ANXA8: variants seen among roughly 807,000 people sequenced by gnomAD.
The protein encoded by ANXA8 is VAC-beta.
In ANXA8, 9 loss-of-function variants were observed where a neutral mutation model predicts 26.8. The ratio of observed to expected loss-of-function variants is 0.34; its 90% CI spans 0.20 to 0.59. The LOEUF is 0.59. Among genes scored for constraint, ANXA8 ranks in the 20% least tolerant of loss-of-function variants. The probability of loss-of-function intolerance (pLI) is 0.84; values close to 1 mark genes in which losing one functional copy is unlikely to be tolerated. For synonymous variants in ANXA8, 39 were observed against 94.8 expected, an observed-to-expected ratio of 0.41 and a Z score of 3.42; for missense variants, 83 against 238.5, an observed-to-expected ratio of 0.35 and a Z score of 4.29.
At chr10:47,639,525 C>A in the ANXA8 span, among the ~76,000 whole-genome samples, 1 of 152,230 alleles carries the variant, frequency 6.6e-6, no homozygotes, top group Admixed American at 6.5e-5. Context: ...ACCGTGTTCG[C>A]CAGGATGGTC....
At chr10:47,567,565 C>T in the ANXA8 span, among the ~76,000 whole-genome samples, 3 of 151,784 alleles carry the variant, frequency 2.0e-5, 1 homozygote, top group African/African-American at 7.3e-5. Flanking sequence ...TCACCCACAG[C>T]CCTGTGTTCC....
At chr10:47,714,360 A>T in the ANXA8 span, among the ~76,000 whole-genome samples, 1 of 147,898 alleles carries the variant, frequency 6.8e-6, no homozygotes, top group Non-Finnish European at 1.5e-5. Flanking sequence ...CTTTAGTGAA[A>T]GAAACTAAGG....
At chr10:47,748,069 G>T in the ANXA8 span, among the ~76,000 whole-genome samples, 2 of 152,150 alleles carry the variant, frequency 1.3e-5, no homozygotes. Context: ...TATGTAACTG[G>T]AGTCTTAGAA....
the ANXA8 span, among the ~76,000 whole-genome samples, chr10:47,937,081 G>A: frequency 4.0e-5 from 6 of 149,768 alleles, 1 homozygote; most frequent in Non-Finnish European, 6.0e-5. Context: ...TGTTTGCTGT[G>A]CCTACCACCT....
At chr10:47,989,370 A>G in the ANXA8 span, among the ~76,000 whole-genome samples, 13,125 of 105,178 alleles carry the variant, frequency 0.12, 466 homozygotes, top group Middle Eastern at 0.17. Flanking sequence ...CAGGCTGTGT[A>G]ACCGCATCCC....
chr10:47,561,021 AT>A, the ANXA8 span, among the ~76,000 whole-genome samples: 4 of 149,464 alleles, frequency 2.7e-5, no homozygotes, highest in Admixed American at 6.7e-5. Context: ...ATTATTTACA[AT>A]TTTTTTTTCC....
the ANXA8 span, among the ~76,000 whole-genome samples, chr10:47,943,994 T>C: frequency 1.4e-5 from 2 of 147,838 alleles, no homozygotes. Flanking sequence ...TCCTGGCTCC[T>C]GGGCACTCAC....
the ANXA8 span, among the ~76,000 whole-genome samples, chr10:47,639,154 C>A: frequency 6.8e-6 from 1 of 147,114 alleles, no homozygotes; most frequent in African/African-American, 2.6e-5. Context: ...TTTTTGAGAC[C>A]GAGTCTCGCT....
the ANXA8 span, among the ~76,000 whole-genome samples, chr10:47,664,424 T>A: frequency 6.7e-6 from 1 of 150,356 alleles, no homozygotes; most frequent in Non-Finnish European, 1.5e-5. Context: ...AAAAATTAGC[T>A]GGGTGTGGTG....
At chr10:47,755,113 C>T in the ANXA8 span, among the ~76,000 whole-genome samples, 15 of 151,064 alleles carry the variant, frequency 9.9e-5, no homozygotes, top group Admixed American at 4.6e-4. Flanking sequence ...TGCACCACCA[C>T]GCCTAGCTAA....
the ANXA8 span, among the ~76,000 whole-genome samples, chr10:47,949,942 T>G: frequency 1.3e-5 from 2 of 150,516 alleles, no homozygotes; most frequent in Non-Finnish European, 2.9e-5. Context: ...GTCTAAAAAT[T>G]CCAATAAAAA....
chr10:47,560,705 A>G, the ANXA8 span, among the ~76,000 whole-genome samples: 28,092 of 151,138 alleles, frequency 0.19, 2,848 homozygotes, highest in East Asian at 0.52. Flanking sequence ...AGGCTGGGTC[A>G]CCTGGGCACA....
the ANXA8 span, chr10:47,706,518 A>G: frequency 3.4e-6 from 2 of 595,456 alleles, no homozygotes; most frequent in South Asian, 3.6e-5. Flanking sequence ...ATTGTTGGAT[A>G]TGGTGGGGAA....
At chr10:47,605,918 T>C in the ANXA8 span, among the ~76,000 whole-genome samples, 2 of 116,676 alleles carry the variant, frequency 1.7e-5, no homozygotes, top group Admixed American at 8.7e-5. Context: ...AAAAATGACT[T>C]ACTAGTTTTA....
the ANXA8 span, among the ~76,000 whole-genome samples, chr10:47,493,426 T>C: frequency 0.16 from 23,039 of 142,988 alleles, 1,070 homozygotes; most frequent in East Asian, 0.42. Flanking sequence ...CCTCAGGGAT[T>C]CTCCCTGGAC....
the ANXA8 span, among the ~76,000 whole-genome samples, chr10:47,683,709 C>G: frequency 6.6e-6 from 1 of 151,492 alleles, no homozygotes; most frequent in Admixed American, 6.6e-5. Flanking sequence ...GAGTAAGTTG[C>G]AGAGTAGTAA....
At chr10:47,894,675 A>C in the ANXA8 span, among the ~76,000 whole-genome samples, 1 of 152,134 alleles carries the variant, frequency 6.6e-6, no homozygotes, top group Non-Finnish European at 1.5e-5. Context: ...CCCACACACC[A>C]CACACATCAC....
chr10:47,701,627 T>C, the ANXA8 span, among the ~76,000 whole-genome samples: 18 of 151,840 alleles, frequency 1.2e-4, 1 homozygote, highest in East Asian at 3.9e-4. Flanking sequence ...TATGCTGTCC[T>C]TCCTGTAAGA....
chr10:47,589,945 A>ATAGATAGATAGT, the ANXA8 span, among the ~76,000 whole-genome samples: 1 of 143,842 alleles, frequency 7.0e-6, no homozygotes, highest in Non-Finnish European at 1.5e-5. Flanking sequence ...AGATAGATAG[A>ATAGATAGATAGT]TAGTTGCTGC....
Sources: gnomAD v4.1 joint callset for allele counts (sites outside exome capture counted in the v4.1 genomes callset) on GRCh38, gnomAD v4.1.1 for gene constraint, MANE v1.5 for transcripts, NCBI Gene and HGNC (gene_info 2026-07-23, HGNC 2026-07-21) for gene names.